Variants in KCNN3 observed in about 807,000 individuals in gnomAD.
KCNN3 encodes the protein small conductance calcium-activated potassium channel protein 3.
In KCNN3, 16 loss-of-function variants were observed where a neutral mutation model predicts 62.9. The observed-to-expected ratio is 0.25, with a 90% CI of 0.17 to 0.39. KCNN3 has a LOEUF of 0.39. Among genes scored for constraint, KCNN3 ranks in the 10% least tolerant of loss-of-function variants. KCNN3 has a pLI of 1.00. For missense variants in KCNN3, 599 were observed against 949.4 expected (o/e 0.63, Z 4.85); for synonymous variants, 370 against 389.2 (o/e 0.95, Z 0.58).
chr1:154,771,653 T>C (rs1274943920), intron 3 of KCNN3, among the ~76,000 whole-genome samples: 1 of 152,242 alleles, frequency 6.6e-6, no homozygotes, highest in Non-Finnish European at 1.5e-5. Flanking sequence ...GCATTATTAA[T>C]ACCCAAGAGG....
chr1:154,831,645 T>A (rs1651381859), intron 1 of KCNN3, among the ~76,000 whole-genome samples: 1 of 151,828 alleles, frequency 6.6e-6, no homozygotes, highest in Non-Finnish European at 1.5e-5. Flanking sequence ...GCCCCATGAG[T>A]CTCCTAAGAT....
chr1:154,813,621 G>A lies in KCNN3; in HGVS notation c.1029+8468C>T, dbSNP rs556179836. On this transcript the variant is annotated intron_variant, in intron 2 of 7. Coordinates refer to ENST00000271915, the MANE Select transcript of KCNN3 (RefSeq NM_002249.6). ...AAGCTCCTGGAGGACTTGGCAAGAG[G>A]CGTTTGCCTGGAAGTCAACAGAACC... Among the ~76,000 whole-genome samples, 11 of 152,296 alleles carry A rather than the reference G, an allele frequency of 7.2e-5. No individual in the cohort carries two copies. In the South Asian group the frequency reaches 2.3e-3, roughly 32 times the overall value.
chr1:154,759,563 T>C (rs1304071061), intron 3 of KCNN3, among the ~76,000 whole-genome samples: 1 of 152,210 alleles, frequency 6.6e-6, no homozygotes. Flanking sequence ...AGGCATCCGC[T>C]GTAGGAAAGG....
chr1:154,857,152 T>C (rs2101929646), intron 1 of KCNN3, among the ~76,000 whole-genome samples: 1 of 152,298 alleles, frequency 6.6e-6, no homozygotes, highest in East Asian at 1.9e-4. Context: ...CCTTGTCTCA[T>C]TTATTCCTCA....
intron 2 of KCNN3, among the ~76,000 whole-genome samples, chr1:154,788,017 C>A (rs1649360314): frequency 6.6e-6 from 1 of 152,178 alleles, no homozygotes; most frequent in Non-Finnish European, 1.5e-5. Flanking sequence ...AGGAGGGAGG[C>A]AAGAGAGGGG....
chr1:154,766,770 C>G (rs1216174282), intron 3 of KCNN3, among the ~76,000 whole-genome samples: 3 of 151,264 alleles, frequency 2.0e-5, no homozygotes, highest in Non-Finnish European at 4.4e-5. Context: ...AGCTCCGCCT[C>G]CTGGGTTCAC....
intron 3 of KCNN3, among the ~76,000 whole-genome samples, chr1:154,735,367 T>G (rs1243083003): frequency 6.6e-6 from 1 of 152,166 alleles, no homozygotes; most frequent in Non-Finnish European, 1.5e-5. Flanking sequence ...ATTAGCCTTT[T>G]TGTGGCTGTC....
At chr1:154,813,423 G>A (rs1650518978) in intron 2 of KCNN3, among the ~76,000 whole-genome samples, 1 of 152,046 alleles carries the variant, frequency 6.6e-6, no homozygotes, top group Admixed American at 6.5e-5. Context: ...TCCTCTTCCT[G>A]GGAGGCTTCA....
At chr1:154,854,078 A>G (rs1035265134) in intron 1 of KCNN3, among the ~76,000 whole-genome samples, 1 of 151,718 alleles carries the variant, frequency 6.6e-6, no homozygotes, top group Admixed American at 6.6e-5. Context: ...TACTAAAAAT[A>G]CAAAAAATTA....
chr1:154,711,171 T>G (rs1700065533), intron 7 of KCNN3, among the ~76,000 whole-genome samples: 2 of 151,514 alleles, frequency 1.3e-5, no homozygotes, highest in South Asian at 4.2e-4. Context: ...CCATAAAAAA[T>G]GATGAGTTCA....
chr1:154,805,046 G>C (rs956473682), intron 2 of KCNN3, among the ~76,000 whole-genome samples: 2 of 152,226 alleles, frequency 1.3e-5, no homozygotes, highest in East Asian at 3.8e-4. Flanking sequence ...CAAGAGGGGC[G>C]TGAGAGATGC....
chr1:154,769,726 A>T (rs1259440518), intron 3 of KCNN3, among the ~76,000 whole-genome samples: 1 of 152,208 alleles, frequency 6.6e-6, no homozygotes, highest in African/African-American at 2.4e-5. Context: ...GGCTACGCAA[A>T]TTCAATTACT....
In KCNN3 at chr1:154,699,161, T is replaced by C. The variant is rs1435752633; in HGVS notation, c.*8815A>G. 6.7e-6 allele frequency: 1 copy of C among 150,244 alleles called. No individual in the cohort carries two copies. The highest frequency in any genetic ancestry group is 6.6e-5 in the Admixed American group (1 of 15,044). The allele number at this position is 150,244 out of a possible 1,614,324, so 9.3% of individuals were successfully genotyped here. The stretch of plus-strand genomic sequence containing the variant: ...CCTGAGAAAGTTTACCGTAACTCCA[T>C]TCAAAACCTTCAGGCACTTGACTTT... On this transcript the variant is annotated 3_prime_UTR_variant, in exon 8 of 8. Coordinates refer to ENST00000271915, the MANE Select transcript of KCNN3 (RefSeq NM_002249.6).
intron 2 of KCNN3, among the ~76,000 whole-genome samples, chr1:154,776,349 C>A (rs6657775): frequency 0.027 from 4,163 of 152,192 alleles, 198 homozygotes; most frequent in African/African-American, 0.096. Context: ...GTGCTTTACT[C>A]ACTGCTCTAA....
At chr1:154,785,832 C>T (rs1180414169) in intron 2 of KCNN3, among the ~76,000 whole-genome samples, 2 of 151,990 alleles carry the variant, frequency 1.3e-5, no homozygotes, top group African/African-American at 4.8e-5. Context: ...AACTCCTAGC[C>T]TCATATGATC....
chr1:154,807,506 G>A (rs1650224777), intron 2 of KCNN3, among the ~76,000 whole-genome samples: 2 of 152,174 alleles, frequency 1.3e-5, no homozygotes, highest in Admixed American at 1.3e-4. Context: ...AGCCTGCTCT[G>A]GGATGGTGGC....
chr1:154,834,975 T>A (rs539220937), intron 1 of KCNN3, among the ~76,000 whole-genome samples: 6 of 152,226 alleles, frequency 3.9e-5, no homozygotes, highest in African/African-American at 1.2e-4. Flanking sequence ...TGTTTCCACA[T>A]CCCCAGAACT....
chr1:154,707,747 G>C lies in KCNN3; in HGVS notation c.*229C>G. 1.9e-6 allele frequency: 1 copy of C among 533,630 alleles called. No individual in the cohort carries two copies. The highest frequency in any genetic ancestry group is 3.2e-5 in the East Asian group (1 of 30,914). The allele number at this position is 533,630 out of a possible 1,614,324, so 33.1% of individuals were successfully genotyped here. ...GGCCCTGCCAGAGGCGTCGCTTCCT[G>C]TCATCTCCTCTTCCCGCTCCCAAGT... On this transcript the variant is annotated 3_prime_UTR_variant, in exon 8 of 8. Coordinates refer to ENST00000271915, the MANE Select transcript of KCNN3 (RefSeq NM_002249.6).
At chr1:154,794,544 G>A (rs1290864016) in intron 2 of KCNN3, among the ~76,000 whole-genome samples, 3 of 152,190 alleles carry the variant, frequency 2.0e-5, no homozygotes, top group Admixed American at 1.3e-4. Context: ...GCATTATAGA[G>A]GGTAGACTAT....
Sources: gnomAD v4.1 joint callset for allele counts (sites outside exome capture counted in the v4.1 genomes callset) on GRCh38, gnomAD v4.1.1 for gene constraint, MANE v1.5 for transcripts, NCBI Gene and HGNC (gene_info 2026-07-23, HGNC 2026-07-21) for gene names.